Variants in LAYN observed in about 807,000 individuals in gnomAD.
LAYN encodes the protein layilin.
LAYN carries 38 observed loss-of-function variants against 43.6 expected under a neutral mutation model. That is an observed-to-expected ratio of 0.87 (90% CI 0.67 to 1.14). The LOEUF (loss-of-function observed/expected upper bound fraction) is 1.14. LAYN is among the 50% of genes most tolerant of loss of function. LAYN has a pLI of 0.00. For synonymous variants in LAYN, 168 were observed against 172.9 expected, an observed-to-expected ratio of 0.97 and a Z score of 0.22; for missense variants, 479 against 463.8, an observed-to-expected ratio of 1.03 and a Z score of -0.30.
chr11:111,553,234 C>T (rs1250956243), intron 3 of LAYN, among the ~76,000 whole-genome samples: 1 of 151,814 alleles, frequency 6.6e-6, no homozygotes, highest in Non-Finnish European at 1.5e-5. Context: ...CAGACTGAGA[C>T]TCCATCTCAA....
In LAYN at chr11:111,560,369, G is replaced by C; in HGVS notation, c.1036G>C (p.Val346Leu). The change falls in exon 7 of 7, where the codon GTG becomes CTG. Residue 346 changes from valine (V) to leucine (L), a missense_variant. Physicochemically the swap from Val to Leu is conservative, Grantham distance 32. Coordinates refer to ENST00000375614, the MANE Select transcript of LAYN (RefSeq NM_178834.5). Reference protein sequence around the residue: ...VTLVSVESGFVTNDIYEFSPD... With the variant: ...VTLVSVESGFLTNDIYEFSPD... ...TCTGGTGAGCGTGGAGAGTGGATTT[G>C]TGACCAATGACATTTATGAGTTCTC... 1 of 1,614,206 alleles carries C rather than the reference G, an allele frequency of 6.2e-7. No homozygotes were observed.
At chr11:111,541,760 T>C (rs556850551) in intron 1 of LAYN, among the ~76,000 whole-genome samples, 1 of 152,056 alleles carries the variant, frequency 6.6e-6, no homozygotes, top group South Asian at 2.1e-4. Flanking sequence ...ATTTAAAGAA[T>C]GTAAAGTTGG....
intron 2 of LAYN, among the ~76,000 whole-genome samples, chr11:111,545,514 A>G (rs550792351): frequency 3.9e-5 from 6 of 152,142 alleles, no homozygotes; most frequent in Admixed American, 6.5e-5. Flanking sequence ...ATAATACATA[A>G]CAGCAGGCCT....
At position 111,543,403 on chromosome 11, in the gene LAYN, G is replaced by A. The variant is rs1049077039; in HGVS notation, c.86-520G>A. ...CTGACTGTCAGTAGCAGAAAACCCC[G>A]TGGATCTGATGCTTTTAGCTTCTGC... On this transcript the variant is annotated intron_variant, in intron 1 of 6. Coordinates refer to ENST00000375614, the MANE Select transcript of LAYN (RefSeq NM_178834.5). Among the ~76,000 whole-genome samples the A allele has an allele frequency of 6.6e-5, 10 of 152,146 alleles. No individual in the cohort carries two copies. In the South Asian group the frequency reaches 1.9e-3, roughly 28 times the overall value.
intron 2 of LAYN, among the ~76,000 whole-genome samples, chr11:111,545,693 T>G (rs1385065195): frequency 6.6e-6 from 1 of 152,206 alleles, no homozygotes; most frequent in African/African-American, 2.4e-5. Context: ...AACCAGGACC[T>G]CTAAACTTCC....
At chr11:111,558,198 CTATTTTATTT>C (rs561660354) in intron 6 of LAYN, among the ~76,000 whole-genome samples, 8 of 152,032 alleles carry the variant, frequency 5.3e-5, no homozygotes, top group African/African-American at 9.7e-5. Context: ...TCGTGTGCCA[CTATTTTATTT>C]TATTTTATTT....
intron 3 of LAYN, among the ~76,000 whole-genome samples, chr11:111,554,192 G>C (rs1867793732): frequency 6.6e-6 from 1 of 152,154 alleles, no homozygotes; most frequent in South Asian, 2.1e-4. Context: ...CAGGGGAGAG[G>C]AGTAGGGATT....
At chr11:111,549,858 C>A in intron 3 of LAYN, 83 bp downstream of exon 3, 1 of 1,420,664 alleles carries the variant, frequency 7.0e-7, no homozygotes, top group Non-Finnish European at 9.5e-7. Context: ...AAGAATTTGT[C>A]ATGTGGTCTC....
chr11:111,540,815 A>T lies in LAYN; in HGVS notation c.-29A>T. The T allele has an allele frequency of 6.6e-7, 1 of 1,512,878 alleles. No individual in the cohort carries two copies. The highest frequency in any genetic ancestry group is 1.4e-5 in the African/African-American group (1 of 69,736). The allele number at this position is 1,512,878 out of a possible 1,614,324, so 93.7% of individuals were successfully genotyped here. A position where few individuals can be genotyped will look rare whatever the true frequency, so the allele number is the denominator to read the frequency against. On this transcript the variant is annotated 5_prime_UTR_variant, in exon 1 of 7. Transcript: ENST00000375614. ...GCCCGCTCCACCGCCGTAGCGCCCG[A>T]GTGTCGGGGGGCGCACCCGAGTCGG...
intron 1 of LAYN, chr11:111,541,382 C>CT (rs1867535124): frequency 3.1e-6 from 2 of 641,584 alleles, no homozygotes; most frequent in South Asian, 3.7e-5. Flanking sequence ...GCTGGATCCC[C>CT]GGTGCCGTGG....
Position 111,560,415 on chromosome 11 carries a change from G to A in LAYN, c.1082G>A (p.Ser361Asn). 6.2e-7 allele frequency: 1 copy of A among 1,613,962 alleles called. No individual in the cohort carries two copies. The highest frequency in any genetic ancestry group is 8.5e-7 in the Non-Finnish European group (1 of 1,179,806). ...YEFSPDQMGR[S>N]KESGWVENEI... ...TTCTCCCCAGACCAAATGGGGAGGA[G>A]TAAGGAGTCTGGATGGGTGGAAAAT... The change falls in exon 7 of 7, where the codon AGT (serine) becomes AAT (asparagine). Residue 361 changes from serine (S) to asparagine (N), a missense_variant. Ser to Asn is a conservative substitution (Grantham distance 46). Coordinates refer to ENST00000375614, the MANE Select transcript of LAYN (RefSeq NM_178834.5).
chr11:111,561,158 C>A lies in LAYN; in HGVS notation c.*700C>A, dbSNP rs73555172. On this transcript the variant is annotated 3_prime_UTR_variant, in exon 7 of 7. Transcript: ENST00000375614. The stretch of plus-strand genomic sequence containing the variant: ...GAGGATAGCTTGAGTTCAGGAGTTC[C>A]AGACCTTCCTGGGCAAAATAGTGAG... The A allele has an allele frequency of 6.6e-6, 1 of 152,470 alleles. No homozygotes were observed. Among genetic ancestry groups the A allele is most frequent in the African/African-American group, 2.4e-5 (1 of 41,400 alleles). 9.4% of individuals were successfully genotyped at this position (152,470 alleles called of 1,614,324 possible).
chr11:111,554,052 G>GCCAGT (rs1315284996), intron 3 of LAYN, among the ~76,000 whole-genome samples: 2 of 152,158 alleles, frequency 1.3e-5, no homozygotes, highest in Non-Finnish European at 2.9e-5. Flanking sequence ...CTTGGTGCTG[G>GCCAGT]CCAGTGGTCT....
intron 6 of LAYN, among the ~76,000 whole-genome samples, chr11:111,557,948 A>G (rs1424938812): frequency 6.6e-6 from 1 of 152,248 alleles, no homozygotes; most frequent in Non-Finnish European, 1.5e-5. Flanking sequence ...AAATGCTCTC[A>G]TGAATGTATG....
intron 2 of LAYN, among the ~76,000 whole-genome samples, chr11:111,549,092 C>G (rs190204785): frequency 1.6e-4 from 24 of 152,322 alleles, no homozygotes; most frequent in Admixed American, 1.4e-3. Flanking sequence ...TGTCCCCACC[C>G]TTTCACCTGT....
chr11:111,560,385 A>T lies in LAYN; in HGVS notation c.1052A>T (p.Tyr351Phe). The T allele has an allele frequency of 6.2e-7, 1 of 1,614,190 alleles. No homozygotes were observed. The highest frequency in any genetic ancestry group is 8.5e-7 in the Non-Finnish European group (1 of 1,180,002). Residue 351 changes from tyrosine to phenylalanine, a missense_variant, in exon 7 of 7, where the codon TAT (tyrosine) becomes TTT (phenylalanine). By Grantham distance (22) the Tyr-to-Phe change is conservative. Coordinates refer to ENST00000375614, the MANE Select transcript of LAYN (RefSeq NM_178834.5). The stretch of plus-strand genomic sequence containing the variant: ...AGTGGATTTGTGACCAATGACATTT[A>T]TGAGTTCTCCCCAGACCAAATGGGG... The part of the protein sequence containing the change: ...VESGFVTNDI[Y>F]EFSPDQMGRS...
chr11:111,544,286 C>A, intron 2 of LAYN, 66 bp downstream of exon 2: 1 of 1,490,084 alleles, frequency 6.7e-7, no homozygotes, highest in Non-Finnish European at 9.1e-7. Context: ...CAGGCTGGAT[C>A]CACAGTGCCA....
In LAYN at chr11:111,561,708, C is replaced by T. The variant is rs1591573463; in HGVS notation, c.*1250C>T. ...TATGTCTTATTTTTTAATAGCTCAG[C>T]AACTTTGCTTCACATATGGAGCCCC... is the stretch of plus-strand genomic sequence containing the variant. On this transcript the variant is annotated 3_prime_UTR_variant, in exon 7 of 7. Transcript: ENST00000375614. The T allele has an allele frequency of 1.3e-5, 2 of 152,154 alleles. No homozygotes were observed. Among genetic ancestry groups the T allele is most frequent in the African/African-American group, 4.8e-5 (2 of 41,434 alleles). The allele number at this position is 152,154 out of a possible 1,614,324, so 9.4% of individuals were successfully genotyped here.
rs1295182649 is a variant in LAYN at position 111,561,665 on chromosome 11, T to C, written c.*1207T>C. 1 of 152,186 alleles carries C rather than the reference T, an allele frequency of 6.6e-6. No individual in the cohort carries two copies. Among genetic ancestry groups the C allele is most frequent in the Non-Finnish European group, 1.5e-5 (1 of 68,042 alleles). 9.4% of individuals were successfully genotyped at this position (152,186 alleles called of 1,614,324 possible). On this transcript the variant is annotated 3_prime_UTR_variant, in exon 7 of 7. Coordinates refer to ENST00000375614, the MANE Select transcript of LAYN (RefSeq NM_178834.5). ...TCCCTCAATCAGCTTCATAATCTCATATTTTAACCTTTCCTCATATGTCTT... is the reference window on the plus strand; with the variant it reads ...TCCCTCAATCAGCTTCATAATCTCACATTTTAACCTTTCCTCATATGTCTT...
Sources: allele counts gnomAD v4.1 joint callset (sites outside exome capture counted in the v4.1 genomes callset), GRCh38; gene constraint gnomAD v4.1.1; transcripts MANE v1.5; gene names NCBI Gene and HGNC (gene_info 2026-07-23, HGNC 2026-07-21).